Variants in ATP9B observed in about 807,000 individuals in gnomAD.
ATP9B encodes the protein probable phospholipid-transporting ATPase IIB.
A neutral mutation model predicts 146.1 loss-of-function variants in ATP9B; 110 were observed. The observed-to-expected ratio is 0.75, with a 90% CI of 0.65 to 0.88. The LOEUF is 0.88. Among genes scored for constraint, ATP9B ranks in the 40% least tolerant of loss-of-function variants. The pLI, the probability that ATP9B is intolerant of heterozygous loss-of-function variation, is 0.00. For synonymous variants in ATP9B, 604 were observed against 569.7 expected (o/e 1.06, Z -0.86); for missense variants, 1,499 against 1,496.4 (o/e 1.00, Z -0.03).
At chr18:79,071,323 T>C (rs1434361520) in intron 1 of ATP9B, among the ~76,000 whole-genome samples, 1 of 151,364 alleles carries the variant, frequency 6.6e-6, no homozygotes, top group Non-Finnish European at 1.5e-5. Flanking sequence ...AAATATGGTT[T>C]ATAAAACTCA....
intron 13 of ATP9B, among the ~76,000 whole-genome samples, chr18:79,291,795 G>A (rs1170758983): frequency 2.6e-5 from 4 of 152,180 alleles, no homozygotes; most frequent in African/African-American, 9.7e-5. Flanking sequence ...AATTCAAATG[G>A]TCAACTGTCA....
chr18:79,289,192 T>A (rs1368380087), intron 13 of ATP9B, among the ~76,000 whole-genome samples: 1 of 152,250 alleles, frequency 6.6e-6, no homozygotes, highest in Admixed American at 6.5e-5. Flanking sequence ...TTCTCCTGGA[T>A]AATATCCTGC....
chr18:79,244,362 A>G (rs867758925), intron 11 of ATP9B, among the ~76,000 whole-genome samples: 6 of 152,326 alleles, frequency 3.9e-5, no homozygotes, highest in Middle Eastern at 3.4e-3. Context: ...CTATGGCCCA[A>G]CATTTCCAAG....
intron 11 of ATP9B, among the ~76,000 whole-genome samples, chr18:79,240,946 C>G (rs1368807890): frequency 6.6e-6 from 1 of 152,120 alleles, no homozygotes; most frequent in Non-Finnish European, 1.5e-5. Context: ...GACCAAACAC[C>G]TAACCTCCTT....
chr18:79,071,399 C>CTTCCTTTTTTTTTTTTTTTT, intron 1 of ATP9B, among the ~76,000 whole-genome samples: 1 of 69,268 alleles, frequency 1.4e-5, no homozygotes, highest in Non-Finnish European at 2.8e-5. Context: ...ATTGTTCTTC[C>CTTCCTTTTTTTTTTTTTTTT]TTTTTTTTTT....
At chr18:79,216,493 A>C (rs1477684819) in intron 11 of ATP9B, among the ~76,000 whole-genome samples, 3 of 152,230 alleles carry the variant, frequency 2.0e-5, no homozygotes, top group Non-Finnish European at 4.4e-5. Flanking sequence ...GATGCTCAGT[A>C]AATGTTAGCT....
At chr18:79,310,447 A>G (rs1000714597) in intron 15 of ATP9B, among the ~76,000 whole-genome samples, 2 of 152,256 alleles carry the variant, frequency 1.3e-5, no homozygotes, top group African/African-American at 2.4e-5. Context: ...AGGAGGAGCT[A>G]TGCTGGCTGC....
rs577132056 is a variant in ATP9B, at chr18:79,076,701, A to G, written c.119+7172A>G. Among the ~76,000 whole-genome samples the G allele has an allele frequency of 1.7e-4, 26 of 152,214 alleles. No homozygotes were observed. The South Asian group carries it at 5.4e-3, about 32-fold the overall frequency. On this transcript the variant is annotated intron_variant, in intron 1 of 29. Transcript: ENST00000426216. ...ATTCTATAAGTTTGTGTCTTTTGTC[A>G]AATCTGAGAAGTTTGCAGCCATTCT... is the stretch of plus-strand genomic sequence containing the variant.
chr18:79,083,846 TC>T (rs1278299023), intron 1 of ATP9B, among the ~76,000 whole-genome samples: 2 of 151,592 alleles, frequency 1.3e-5, no homozygotes, highest in Non-Finnish European at 2.9e-5. Flanking sequence ...CCAGAGCTGT[TC>T]CTATTGACCA....
chr18:79,163,145 T>C (rs1327140448), intron 7 of ATP9B, among the ~76,000 whole-genome samples: 1 of 152,254 alleles, frequency 6.6e-6, no homozygotes, highest in Admixed American at 6.5e-5. Context: ...TAAGTCAAGC[T>C]GGCCATCTTT....
chr18:79,244,482 A>G (rs1172337653), intron 11 of ATP9B, among the ~76,000 whole-genome samples: 1 of 152,198 alleles, frequency 6.6e-6, no homozygotes, highest in Non-Finnish European at 1.5e-5. Context: ...TTTGAAGGAA[A>G]GACAGACCTT....
At chr18:79,099,840 A>G (rs929042675) in intron 2 of ATP9B, among the ~76,000 whole-genome samples, 1 of 152,024 alleles carries the variant, frequency 6.6e-6, no homozygotes, top group African/African-American at 2.4e-5. Flanking sequence ...TAATTTTAAA[A>G]AATGGGCCAG....
chr18:79,279,728 T>C (rs964481802), intron 13 of ATP9B, among the ~76,000 whole-genome samples: 3 of 152,220 alleles, frequency 2.0e-5, no homozygotes, highest in Non-Finnish European at 4.4e-5. Context: ...TTGAAAGCCC[T>C]TAAGACCGAA....
intron 12 of ATP9B, among the ~76,000 whole-genome samples, chr18:79,265,930 G>A (rs1233304422): frequency 6.6e-6 from 1 of 152,122 alleles, no homozygotes; most frequent in Non-Finnish European, 1.5e-5. Flanking sequence ...TGTAAAGAAG[G>A]GGTCCGGTTT....
rs766490487 is a variant in ATP9B, at chr18:79,337,259, G to A, written c.2113-20G>A. The A allele has an allele frequency of 7.4e-6, 12 of 1,612,976 alleles. No individual in the cohort carries two copies. The highest frequency in any genetic ancestry group is 4.0e-5 in the African/African-American group (3 of 74,850). ...AGCACGTACACGTGTGCACACAGGC[G>A]CCTCCCCCTCTGTCCCCAGAGCCGA... is the stretch of plus-strand genomic sequence containing the variant. On this transcript the variant is annotated intron_variant, in intron 18 of 29. Transcript: ENST00000426216.
rs73486190 is a variant in ATP9B, at chr18:79,182,972, T to C, written c.873+6065T>C. On this transcript the variant is annotated intron_variant, in intron 8 of 29. Coordinates refer to ENST00000426216, the MANE Select transcript of ATP9B (RefSeq NM_198531.5). ...ATAGTAATGTGTGCATTGAAAATAA[T>C]ACACAAATCACAAAATAGAAAAAAA... Among the ~76,000 whole-genome samples, 1,266 of 152,240 alleles carry C rather than the reference T, an allele frequency of 8.3e-3. 17 individuals carry two copies. The highest frequency in any genetic ancestry group is 0.028 in the African/African-American group (1,172 of 41,548).
intron 5 of ATP9B, among the ~76,000 whole-genome samples, chr18:79,136,489 A>G (rs1373129865): frequency 1.3e-5 from 2 of 152,226 alleles, no homozygotes; most frequent in Non-Finnish European, 1.5e-5. Flanking sequence ...TCTGTGGGAT[A>G]TAAGTTGCAT....
intron 8 of ATP9B, among the ~76,000 whole-genome samples, chr18:79,184,668 T>G (rs2095287772): frequency 6.6e-6 from 1 of 152,196 alleles, no homozygotes; most frequent in Non-Finnish European, 1.5e-5. Flanking sequence ...GTGCTACTGT[T>G]TCATGGTTAC....
At chr18:79,308,559 C>T (rs1433517830) in intron 15 of ATP9B, among the ~76,000 whole-genome samples, 1 of 152,206 alleles carries the variant, frequency 6.6e-6, no homozygotes, top group Non-Finnish European at 1.5e-5. Context: ...ACCTGCATGC[C>T]TGTGTGATTC....
Sources: gnomAD v4.1 joint callset for allele counts (sites outside exome capture counted in the v4.1 genomes callset) on GRCh38, gnomAD v4.1.1 for gene constraint, MANE v1.5 for transcripts, NCBI Gene and HGNC (gene_info 2026-07-23, HGNC 2026-07-21) for gene names.